The following CRISPLD2 variants were observed in gnomAD, a reference collection of about 807,000 sequenced individuals.
CRISPLD2 encodes cysteine-rich secretory protein LCCL domain-containing 2.
Under a neutral mutation model 71.1 loss-of-function variants are expected in CRISPLD2, and 47 were observed. The ratio of observed to expected loss-of-function variants is 0.66; its 90% confidence interval spans 0.52 to 0.84. CRISPLD2 has a LOEUF of 0.84. CRISPLD2 is among the 40% of genes least tolerant of loss of function. The pLI, the probability that CRISPLD2 is intolerant of heterozygous loss-of-function variation, is 0.00. For missense variants in CRISPLD2, 830 were observed against 651.1 expected (o/e 1.27, Z -2.99); for synonymous variants, 317 against 250.1 (o/e 1.27, Z -2.52).
chr16:84,839,081 C>G (rs2143176249), intron 2 of CRISPLD2: 1 of 395,470 alleles, frequency 2.5e-6, no homozygotes, highest in South Asian at 2.0e-5. Flanking sequence ...AGATGGGGGT[C>G]TTGCTACGTT....
chr16:84,875,414 CTTT>C (rs34028519), intron 11 of CRISPLD2, among the ~76,000 whole-genome samples: 11 of 87,782 alleles, frequency 1.3e-4, no homozygotes, highest in Non-Finnish European at 1.6e-4. Context: ...TATGCATGGA[CTTT>C]TTTTTTTTTT....
chr16:84,846,706 A>G (rs756069376), intron 3 of CRISPLD2, among the ~76,000 whole-genome samples: 6 of 152,004 alleles, frequency 3.9e-5, no homozygotes, highest in Admixed American at 1.3e-4. Flanking sequence ...GAAGATGCCC[A>G]TTGCCTTCCC....
At chr16:84,828,237 G>T (rs982469971) in intron 1 of CRISPLD2, 1 of 152,196 alleles carries the variant, frequency 6.6e-6, no homozygotes, top group African/African-American at 2.4e-5. Context: ...ATGACCTGGG[G>T]CCCTGAATTT....
At chr16:84,847,271 A>G (rs2143203137) in intron 3 of CRISPLD2, among the ~76,000 whole-genome samples, 1 of 152,318 alleles carries the variant, frequency 6.6e-6, no homozygotes, top group East Asian at 1.9e-4. Flanking sequence ...AAACCTGGGC[A>G]GGTGTCATGG....
At position 84,837,709 on chromosome 16, in the gene CRISPLD2, C is replaced by G. The variant is rs528418263; in HGVS notation, c.-74-713C>G. Among the ~76,000 whole-genome samples the G allele has an allele frequency of 1.0e-3, 158 of 152,288 alleles. 1 individual carries two copies. Among genetic ancestry groups the G allele is most frequent in the Middle Eastern group, 6.8e-3 (2 of 294 alleles). On this transcript the variant is annotated intron_variant, in intron 1 of 14. Coordinates refer to ENST00000262424, the MANE Select transcript of CRISPLD2 (RefSeq NM_031476.4). ...TGGGATTACAGGCGTGAGCCACCGC[C>G]CCCGGCCAGCCACAGGTTTCTTATC...
chr16:84,868,911 G>A lies in CRISPLD2; in HGVS notation c.914G>A (p.Arg305Lys), dbSNP rs1917616328. 2.5e-6 allele frequency: 4 copies of A among 1,606,576 alleles called. No homozygotes were observed. In the East Asian group the frequency reaches 6.8e-5, roughly 27 times the overall value. Residue 305 changes from arginine (R) to lysine (K), a missense_variant and splice_region_variant, in exon 8 of 15, where the codon AGG becomes AAG. By Grantham distance (26) the Arg-to-Lys change is conservative. Transcript: ENST00000262424. ...AGGTGCAAAGGGTCCACGTGTAACA[G>A]GTGAGCCTGTGCTGGGCTGTCCTGC... ...KDRCKGSTCN[R>K]YQCPAGCLNH...
chr16:84,835,596 G>A (rs1916599603), intron 1 of CRISPLD2, among the ~76,000 whole-genome samples: 1 of 152,212 alleles, frequency 6.6e-6, no homozygotes, highest in African/African-American at 2.4e-5. Flanking sequence ...TCCCAGGCTG[G>A]TGGCTTTTGT....
intron 11 of CRISPLD2, among the ~76,000 whole-genome samples, chr16:84,874,338 A>G (rs1034605814): frequency 3.3e-5 from 5 of 152,224 alleles, no homozygotes; most frequent in Admixed American, 1.3e-4. Context: ...GGCTTAGTGG[A>G]AAACAGAGCT....
At position 84,835,545 on chromosome 16, in the gene CRISPLD2, C is replaced by T. The variant is rs947154254; in HGVS notation, c.-74-2877C>T. Among the ~76,000 whole-genome samples the T allele has an allele frequency of 2.6e-5, 4 of 152,172 alleles. No individual in the cohort carries two copies. In the South Asian group the frequency reaches 6.2e-4, roughly 24 times the overall value. ...AGTCAAACCCAACCACTTTCAGACC[C>T]AACAGTACTGGCACACCACCCAGCA... is the stretch of plus-strand genomic sequence containing the variant. On this transcript the variant is annotated intron_variant, in intron 1 of 14. Coordinates refer to ENST00000262424, the MANE Select transcript of CRISPLD2 (RefSeq NM_031476.4).
At chr16:84,881,459 C>T (rs1432893141) in intron 13 of CRISPLD2, among the ~76,000 whole-genome samples, 3 of 152,118 alleles carry the variant, frequency 2.0e-5, no homozygotes, top group Admixed American at 6.6e-5. Flanking sequence ...GGTTTGGGGA[C>T]ATGGTGACCC....
intron 13 of CRISPLD2, among the ~76,000 whole-genome samples, chr16:84,886,700 G>A (rs1320819376): frequency 6.6e-6 from 1 of 152,200 alleles, no homozygotes; most frequent in Non-Finnish European, 1.5e-5. Flanking sequence ...GCGCATGCCT[G>A]CGATCCCAGC....
chr16:84,834,750 G>C (rs1168293999), intron 1 of CRISPLD2, among the ~76,000 whole-genome samples: 2 of 152,074 alleles, frequency 1.3e-5, no homozygotes, highest in African/African-American at 4.8e-5. Flanking sequence ...GGCGGGGCTG[G>C]TTTCTTCTGG....
At chr16:84,821,330 C>T (rs1597440849) in intron 1 of CRISPLD2, among the ~76,000 whole-genome samples, 1 of 152,204 alleles carries the variant, frequency 6.6e-6, no homozygotes, top group Admixed American at 6.5e-5. Flanking sequence ...TGCTTCTGCC[C>T]CTGATCTGGC....
chr16:84,880,466 T>G lies in CRISPLD2; in HGVS notation c.1230-43T>G, dbSNP rs780484586. Reference sequence around the variant, plus strand: ...GAGAGCCAGCTTAAGAAGTTTGGTTTTCTGTGCTCAGACCCATCACATAAA... The same window carrying G: ...GAGAGCCAGCTTAAGAAGTTTGGTTGTCTGTGCTCAGACCCATCACATAAA... On this transcript the variant is annotated intron_variant, in intron 12 of 14. Transcript: ENST00000262424. 7 of 1,502,368 alleles carry G rather than the reference T, an allele frequency of 4.7e-6. No individual in the cohort carries two copies. The African/African-American group carries it at 9.7e-5, about 21-fold the overall frequency. 93.1% of individuals were successfully genotyped at this position (1,502,368 alleles called of 1,614,324 possible). A position where few individuals can be genotyped will look rare whatever the true frequency, so the allele number is the denominator to read the frequency against.
chr16:84,836,710 G>C (rs1451590927), intron 1 of CRISPLD2, among the ~76,000 whole-genome samples: 1 of 152,122 alleles, frequency 6.6e-6, no homozygotes, highest in Non-Finnish European at 1.5e-5. Flanking sequence ...TCCAGGCCTT[G>C]ATCTACATCT....
chr16:84,851,273 A>G (rs1328042735), intron 5 of CRISPLD2, among the ~76,000 whole-genome samples: 1 of 152,196 alleles, frequency 6.6e-6, no homozygotes, highest in Non-Finnish European at 1.5e-5. Context: ...CCTCCTGATC[A>G]TGGTGCCTCC....
intron 1 of CRISPLD2, among the ~76,000 whole-genome samples, chr16:84,824,671 G>T (rs1017671489): frequency 6.6e-6 from 1 of 152,156 alleles, no homozygotes; most frequent in African/African-American, 2.4e-5. Context: ...AGTAACTGTT[G>T]TTTTTACTGT....
intron 11 of CRISPLD2, among the ~76,000 whole-genome samples, chr16:84,875,813 G>A (rs965622881): frequency 2.7e-5 from 4 of 149,104 alleles, no homozygotes; most frequent in African/African-American, 4.9e-5. Context: ...TGATCCACCC[G>A]CCTGGGCCTC....
In CRISPLD2 at chr16:84,908,636, C is replaced by A. The variant is rs1019839341; in HGVS notation, c.*1994C>A. On this transcript the variant is annotated 3_prime_UTR_variant, in exon 15 of 15. Transcript: ENST00000262424. ...CTTAATGCCTCCTTCACTGGGCCTT[C>A]CTAGCAGGATAGAAAGTCCTTGCCC... 2.6e-5 allele frequency: 4 copies of A among 151,034 alleles called. No individual in the cohort carries two copies. The highest frequency in any genetic ancestry group is 2.0e-4 in the Admixed American group (3 of 15,168). The allele number at this position is 151,034 out of a possible 1,614,324, so 9.4% of individuals were successfully genotyped here.
Sources: gnomAD v4.1 joint callset for allele counts (sites outside exome capture counted in the v4.1 genomes callset) on GRCh38, gnomAD v4.1.1 for gene constraint, MANE v1.5 for transcripts, NCBI Gene and HGNC (gene_info 2026-07-23, HGNC 2026-07-21) for gene names.